Variants in PLA2G4C observed in about 807,000 individuals in gnomAD.
PLA2G4C encodes phospholipase A2 group IVC, also known as cytosolic phospholipase A2 gamma.
Under a neutral mutation model 73.8 loss-of-function variants are expected in PLA2G4C, and 64 were observed. That is an observed-to-expected ratio of 0.87 (90% CI 0.71 to 1.07). PLA2G4C has a LOEUF of 1.07. Ranked by LOEUF, PLA2G4C falls within the 50% of genes least tolerant of loss-of-function variation. The pLI, the probability that PLA2G4C is intolerant of heterozygous loss-of-function variation, is 0.00. For synonymous variants in PLA2G4C, 254 were observed against 252.1 expected (o/e 1.01, Z -0.07); for missense variants, 622 against 665.4 (o/e 0.93, Z 0.72).
intron 13 of PLA2G4C, 135 bp from the exon 14 acceptor site, chr19:48,062,287 A>G (rs1968215221): frequency 1.5e-6 from 1 of 685,324 alleles, no homozygotes; most frequent in Non-Finnish European, 2.3e-6. Context: ...GCCAACTAGG[A>G]GCTGACTTCT....
chr19:48,098,885 G>C (rs889690142), intron 5 of PLA2G4C, among the ~76,000 whole-genome samples: 1 of 151,206 alleles, frequency 6.6e-6, no homozygotes, highest in Admixed American at 6.6e-5. Context: ...CTGGACGACA[G>C]AGTGAAACCC....
intron 7 of PLA2G4C, among the ~76,000 whole-genome samples, chr19:48,094,674 G>A (rs1283610268): frequency 6.6e-6 from 1 of 152,188 alleles, no homozygotes; most frequent in East Asian, 1.9e-4. Context: ...GACCCTGAAT[G>A]CTGAGAAGAT....
intron 10 of PLA2G4C, among the ~76,000 whole-genome samples, chr19:48,078,722 G>A (rs1177053768): frequency 4.0e-5 from 6 of 151,896 alleles, no homozygotes; most frequent in Admixed American, 6.6e-5. Context: ...AATCATAGAT[G>A]ACACAAACAA....
At chr19:48,094,860 C>T (rs2031485835) in intron 7 of PLA2G4C, among the ~76,000 whole-genome samples, 1 of 150,564 alleles carries the variant, frequency 6.6e-6, no homozygotes. Flanking sequence ...GCCCAAAACA[C>T]ATTCTAGTTT....
At chr19:48,109,849 C>T (rs974237555) in intron 1 of PLA2G4C, among the ~76,000 whole-genome samples, 4 of 151,558 alleles carry the variant, frequency 2.6e-5, no homozygotes, top group African/African-American at 4.8e-5. Flanking sequence ...CGGGGTTTCA[C>T]TGTGTTAGCC....
At chr19:48,098,368 C>G in intron 5 of PLA2G4C, 109 bp from the exon 6 acceptor site, 2 of 1,021,512 alleles carry the variant, frequency 2.0e-6, no homozygotes, top group Non-Finnish European at 2.8e-6. Context: ...GTCTGTCACC[C>G]AGGCTGGAGT....
chr19:48,053,047 A>G lies in PLA2G4C; in HGVS notation c.1530T>C (p.Asn510=), dbSNP rs1362572826. Residue 510 remains asparagine, a synonymous_variant, in exon 16 of 17, where the codon AAT becomes AAC. Transcript: ENST00000599921. ...GGATCTTCTTCTTGTTTTCCCTGAC[A>G]TTCTTCTTGGCTAATGCCAAGAGTA... ...VVLLLALAKK[N]VRENKKKILR... The G allele has an allele frequency of 3.1e-6, 5 of 1,613,470 alleles. No individual in the cohort carries two copies. Among genetic ancestry groups the G allele is most frequent in the Non-Finnish European group, 4.2e-6 (5 of 1,179,616 alleles).
rs2031630562 is a variant in PLA2G4C, at chr19:48,097,249, T to C, written c.568+890A>G. On this transcript the variant is annotated intron_variant, in intron 6 of 16. Transcript: ENST00000599921. ...ACAGTTTTCTTTACTTTTTTCTTTT[T>C]TCTTTTTTTTTTTTTTTTTTTGAGA... 4.3e-5 allele frequency: 5 copies of C among 116,648 alleles called. No individual in the cohort carries two copies. The South Asian group carries it at 1.2e-3, about 27-fold the overall frequency. 7.2% of individuals were successfully genotyped at this position (116,648 alleles called of 1,614,324 possible).
chr19:48,056,832 C>CAAA (rs34317694), intron 14 of PLA2G4C, among the ~76,000 whole-genome samples: 62 of 83,374 alleles, frequency 7.4e-4, no homozygotes, highest in East Asian at 1.4e-3. Flanking sequence ...GACTCTGTCT[C>CAAA]AAAAAAAAAA....
chr19:48,061,817 G>A (rs766784090), intron 14 of PLA2G4C, 181 bp downstream of exon 14: 1 of 644,444 alleles, frequency 1.6e-6, no homozygotes, highest in Non-Finnish European at 2.7e-6. Context: ...GAAGTTCGTT[G>A]GATGTGGCCG....
chr19:48,096,582 T>TCAAA (rs960449430), intron 6 of PLA2G4C: 2 of 152,878 alleles, frequency 1.3e-5, no homozygotes, highest in African/African-American at 4.8e-5. Context: ...AAACTCTGTC[T>TCAAA]CAAACAAACA....
At chr19:48,065,324 A>G (rs1968371403) in intron 13 of PLA2G4C, among the ~76,000 whole-genome samples, 1 of 151,738 alleles carries the variant, frequency 6.6e-6, no homozygotes, top group Non-Finnish European at 1.5e-5. Flanking sequence ...TTTCTGATTG[A>G]CGGTTGGGCA....
Position 48,062,116 on chromosome 19 carries a change from T to C in PLA2G4C, c.1139A>G (p.His380Arg). Residue 380 changes from histidine (H) to arginine (R), a missense_variant, in exon 14 of 17, where the codon CAC (histidine) becomes CGC (arginine). Transcript: ENST00000599921. The stretch of plus-strand genomic sequence containing the variant: ...TAAACCAGCATCCACCAGGTGGAGG[T>C]GCTTCCGGCTGCTCATTATCTTGTC... Reference protein sequence around the residue: ...IRDKIMSSRKHLHLVDAGLAI... With the variant: ...IRDKIMSSRKRLHLVDAGLAI... 2 of 1,601,986 alleles carry C rather than the reference T, an allele frequency of 1.2e-6. No individual in the cohort carries two copies. Among genetic ancestry groups the C allele is most frequent in the Admixed American group, 3.4e-5 (2 of 58,926 alleles).
chr19:48,088,853 C>T (rs919133958), intron 8 of PLA2G4C, 141 bp from the exon 9 acceptor site: 52 of 695,184 alleles, frequency 7.5e-5, no homozygotes, highest in Admixed American at 1.6e-4. Context: ...CAATGGCTCT[C>T]GAGAGCCAAT....
chr19:48,077,119 A>G lies in PLA2G4C; in HGVS notation c.898+652T>C, dbSNP rs11564602. Among the ~76,000 whole-genome samples, 1,075 of 152,100 alleles carry G rather than the reference A, an allele frequency of 7.1e-3. 13 individuals carry two copies. The highest frequency in any genetic ancestry group is 0.024 in the African/African-American group (1,012 of 41,464). Reference sequence around the variant, plus strand: ...TTGCTAATTGCCTCAGGCTGTTCCCATTTTCTGCCTCTGACACTTGGATCC... The same window carrying G: ...TTGCTAATTGCCTCAGGCTGTTCCCGTTTTCTGCCTCTGACACTTGGATCC... On this transcript the variant is annotated intron_variant, in intron 11 of 16. Coordinates refer to ENST00000599921, the MANE Select transcript of PLA2G4C (RefSeq NM_003706.3).
intron 12 of PLA2G4C, among the ~76,000 whole-genome samples, chr19:48,074,189 G>A (rs1177264657): frequency 6.6e-6 from 1 of 151,596 alleles, no homozygotes; most frequent in African/African-American, 2.4e-5. Context: ...CTGCGTCCAT[G>A]TGTTCTCATC....
intron 13 of PLA2G4C, among the ~76,000 whole-genome samples, chr19:48,066,583 C>A (rs1968431122): frequency 6.6e-6 from 1 of 151,810 alleles, no homozygotes; most frequent in Non-Finnish European, 1.5e-5. Flanking sequence ...TTGGAATTCA[C>A]CCCCCTGGAA....
intron 10 of PLA2G4C, among the ~76,000 whole-genome samples, chr19:48,080,476 T>C (rs182477200): frequency 1.2e-4 from 19 of 152,280 alleles, no homozygotes; most frequent in African/African-American, 2.2e-4. Context: ...ATCCCACTAC[T>C]GGGTATCTAC....
chr19:48,107,734 C>T (rs1425330591), intron 1 of PLA2G4C, among the ~76,000 whole-genome samples: 2 of 152,222 alleles, frequency 1.3e-5, no homozygotes, highest in Non-Finnish European at 2.9e-5. Context: ...TGCTGTGCTT[C>T]AGTGGTCACA....
Sources: gnomAD v4.1 joint callset for allele counts (sites outside exome capture counted in the v4.1 genomes callset) on GRCh38, gnomAD v4.1.1 for gene constraint, MANE v1.5 for transcripts, NCBI Gene and HGNC (gene_info 2026-07-23, HGNC 2026-07-21) for gene names.